The following DMD variants were observed in gnomAD, a reference collection of about 807,000 sequenced individuals.
DMD encodes dystrophin.
DMD carries 63 observed loss-of-function variants against 330.1 expected under a neutral mutation model. That is an observed-to-expected ratio of 0.19 (90% CI 0.16 to 0.24). DMD has a LOEUF of 0.24. DMD is among the 10% of genes least tolerant of loss of function. DMD has a pLI of 1.00. For missense variants in DMD, 3,344 were observed against 2,684.1 expected (o/e 1.25, Z -5.43); for synonymous variants, 1,223 against 959.8 (o/e 1.27, Z -5.07).
At chrX:31,467,611 T>C (rs977760988) in intron 59 of DMD, among the ~76,000 whole-genome samples, 9 of 112,002 alleles carry the variant, frequency 8.0e-5, no homozygotes, top group African/African-American at 2.3e-4. Flanking sequence ...ATCAGGGATA[T>C]TGGCCTGAAA....
At chrX:31,343,758 T>G (rs911141611) in intron 61 of DMD, among the ~76,000 whole-genome samples, 1 of 110,373 alleles carries the variant, frequency 9.1e-6, no homozygotes, top group Non-Finnish European at 1.9e-5. Context: ...TTGTAATTTC[T>G]AAGCTTTAGG....
At chrX:32,280,095 T>A (rs1295546897) in intron 43 of DMD, among the ~76,000 whole-genome samples, 2 of 101,926 alleles carry the variant, frequency 2.0e-5, no homozygotes, top group African/African-American at 7.1e-5. Context: ...TTATATATAG[T>A]ATATGTTTAT....
In DMD at chrX:31,270,299, C is replaced by A. The variant is rs186891420; in HGVS notation, c.9225-9283G>T. On this transcript the variant is annotated intron_variant, in intron 62 of 78. Transcript: ENST00000357033. The stretch of plus-strand genomic sequence containing the variant: ...CATCTGTTTCTCCCAGGACCCTGAC[C>A]AAACTGAGACCCATCCAGCCAAAGC... Among the ~76,000 whole-genome samples the A allele has an allele frequency of 2.7e-5, 3 of 110,506 alleles. No individual in the cohort carries two copies. In the East Asian group the frequency reaches 8.5e-4, roughly 31 times the overall value.
intron 2 of DMD, among the ~76,000 whole-genome samples, chrX:32,900,449 T>C (rs1173630029): frequency 9.0e-6 from 1 of 111,472 alleles, no homozygotes; most frequent in East Asian, 2.8e-4. Flanking sequence ...GCTCAAGCCA[T>C]TCAACTGCCT....
chrX:32,287,614 C>T lies in DMD; in HGVS notation c.6205G>A (p.Val2069Met). 1 of 1,210,686 alleles carries T rather than the reference C, an allele frequency of 8.3e-7. No homozygotes were observed. Among genetic ancestry groups the T allele is most frequent in the Non-Finnish European group, 1.1e-6 (1 of 894,657 alleles). Residue 2069 changes from valine (V) to methionine (M), a missense_variant, in exon 43 of 79, where the codon GTG (valine) becomes ATG (methionine). Val to Met is a conservative substitution (Grantham distance 21). Coordinates refer to ENST00000357033, the MANE Select transcript of DMD (RefSeq NM_004006.3). ...KTAALQSATP[V>M]ERVKLQEALS... ...GCTTCCTGTAGCTTCACCCTTTCCA[C>T]AGGCGTTGCACTTTGCAATGCTGCT...
At chrX:32,131,960 G>A (rs920508061) in intron 44 of DMD, among the ~76,000 whole-genome samples, 2 of 111,388 alleles carry the variant, frequency 1.8e-5, no homozygotes, top group Admixed American at 9.6e-5. Context: ...AACCTCAAGG[G>A]ACTGAGAGAT....
rs1441661281 is a variant in DMD at position 31,384,622 on chromosome X, T to C, written c.9085-35988A>G. On this transcript the variant is annotated intron_variant, in intron 60 of 78. Transcript: ENST00000357033. Reference sequence around the variant, plus strand: ...CAACAGTATGCTGCTGTTGAAGCAATAGCAAAGCAGAGACAAAACCTATTG... The same window carrying C: ...CAACAGTATGCTGCTGTTGAAGCAACAGCAAAGCAGAGACAAAACCTATTG... Among the ~76,000 whole-genome samples, 8 of 111,675 alleles carry C rather than the reference T, an allele frequency of 7.2e-5. No homozygotes were observed. The East Asian group carries it at 1.1e-3, about 16-fold the overall frequency.
chrX:32,872,125 T>A (rs2083046998), intron 2 of DMD, among the ~76,000 whole-genome samples: 1 of 111,472 alleles, frequency 9.0e-6, no homozygotes. Context: ...AGCAGAAGAC[T>A]TCAAGAGAGG....
At chrX:32,942,267 G>T (rs1001232590) in intron 2 of DMD, among the ~76,000 whole-genome samples, 26 of 112,520 alleles carry the variant, frequency 2.3e-4, no homozygotes, top group African/African-American at 8.1e-4. Flanking sequence ...ATTTTGGCTG[G>T]AGCAGTGGCT....
At chrX:32,991,885 C>A (rs2092988455) in intron 2 of DMD, among the ~76,000 whole-genome samples, 1 of 111,917 alleles carries the variant, frequency 8.9e-6, no homozygotes, top group African/African-American at 3.2e-5. Context: ...ATTTTTTCCC[C>A]AAAAACTAAC....
chrX:32,262,777 T>A (rs906811293), intron 43 of DMD, among the ~76,000 whole-genome samples: 4 of 111,766 alleles, frequency 3.6e-5, no homozygotes, highest in African/African-American at 1.3e-4. Flanking sequence ...TTGACCAAGA[T>A]GATATTGCCC....
At chrX:32,924,066 G>A (rs1239194404) in intron 2 of DMD, among the ~76,000 whole-genome samples, 1 of 111,526 alleles carries the variant, frequency 9.0e-6, no homozygotes, top group East Asian at 2.8e-4. Context: ...ATAAAAATCA[G>A]AAATTATTAA....
intron 59 of DMD, among the ~76,000 whole-genome samples, chrX:31,453,537 G>A (rs2065916949): frequency 9.1e-6 from 1 of 109,755 alleles, no homozygotes; most frequent in African/African-American, 3.3e-5. Flanking sequence ...GGTGGTGATG[G>A]CAGCAGAACA....
At chrX:31,172,455 C>T (rs2040087696) in intron 72 of DMD, 42 bp from the exon 73 acceptor site, 1 of 990,228 alleles carries the variant, frequency 1.0e-6, no homozygotes. Flanking sequence ...TATGTGACGT[C>T]TTAGAATCTA....
In DMD at chrX:31,184,880, C is replaced by T. The variant is rs1415536084; in HGVS notation, c.9808-1976G>A. Among the ~76,000 whole-genome samples, 6 of 92,686 alleles carry T rather than the reference C, an allele frequency of 6.5e-5. No individual in the cohort carries two copies. In the South Asian group the frequency reaches 1.8e-3, roughly 28 times the overall value. The allele number at this position is 92,686 out of a possible 115,157, so 80.5% of individuals were successfully genotyped here. Reference sequence around the variant, plus strand: ...ATCGCAAGGACAAAAAACCAAACACCGCATGTTCTCACTCATAGGTGGGAA... The same window carrying T: ...ATCGCAAGGACAAAAAACCAAACACTGCATGTTCTCACTCATAGGTGGGAA... On this transcript the variant is annotated intron_variant, in intron 67 of 78. Coordinates refer to ENST00000357033, the MANE Select transcript of DMD (RefSeq NM_004006.3).
chrX:31,181,062 C>A (rs2041106758), intron 68 of DMD, among the ~76,000 whole-genome samples: 1 of 111,880 alleles, frequency 8.9e-6, no homozygotes, highest in Non-Finnish European at 1.9e-5. Flanking sequence ...CTTCAGAAAT[C>A]TCTCACCCCA....
intron 27 of DMD, 93 bp from the exon 28 acceptor site, chrX:32,441,407 A>C (rs1023403130): frequency 2.2e-6 from 2 of 909,563 alleles, no homozygotes; most frequent in African/African-American, 2.0e-5. Context: ...CTGAAAATAT[A>C]ACACTTTGTA....
chrX:32,384,912 C>T (rs1325671807), intron 33 of DMD, among the ~76,000 whole-genome samples: 1 of 110,994 alleles, frequency 9.0e-6, no homozygotes, highest in Non-Finnish European at 1.9e-5. Flanking sequence ...ACTAAGATAT[C>T]CGTTTATGGA....
At chrX:32,384,688 G>A in intron 33 of DMD, among the ~76,000 whole-genome samples, 1 of 110,592 alleles carries the variant, frequency 9.0e-6, no homozygotes, top group Non-Finnish European at 1.9e-5. Flanking sequence ...CTACTTTCAG[G>A]CTGAGATGCA....
Sources: gnomAD v4.1 joint callset for allele counts (sites outside exome capture counted in the v4.1 genomes callset) on GRCh38, gnomAD v4.1.1 for gene constraint, MANE v1.5 for transcripts, NCBI Gene and HGNC (gene_info 2026-07-23, HGNC 2026-07-21) for gene names.